KRT38: variants seen among roughly 807,000 people sequenced by gnomAD.
The protein encoded by KRT38 is keratin, type I cuticular Ha8.
In KRT38, 45 loss-of-function variants were observed where a neutral mutation model predicts 43.1. The observed-to-expected ratio is 1.04, with a 90% CI of 0.82 to 1.34. The LOEUF (loss-of-function observed/expected upper bound fraction) is 1.34, where lower values mean the gene tolerates loss of function less well. Among genes scored for constraint, KRT38 ranks in the 40% most tolerant of loss-of-function variants. The pLI is 0.00. For missense variants in KRT38, 627 were observed against 586.2 expected (o/e 1.07, Z -0.72); for synonymous variants, 258 against 244.0 (o/e 1.06, Z -0.53).
At chr17:41,440,310 T>C in intron 1 of KRT38, 67 bp from the exon 2 acceptor site, 1 of 1,605,226 alleles carries the variant, frequency 6.2e-7, no homozygotes, top group Non-Finnish European at 8.5e-7. Context: ...CCACGTGTGG[T>C]GTCTATGATC....
Position 41,439,210 on chromosome 17 carries a change from T to C in KRT38, c.725A>G (p.His242Arg), listed in dbSNP as rs767513772. 1 of 1,613,904 alleles carries C rather than the reference T, an allele frequency of 6.2e-7. No homozygotes were observed. The highest frequency in any genetic ancestry group is 1.1e-5 in the South Asian group (1 of 91,074). Residue 242 changes from histidine to arginine, a missense_variant, in exon 3 of 7, where the codon CAC becomes CGC. Coordinates refer to ENST00000246646, the MANE Select transcript of KRT38 (RefSeq NM_006771.4). ...KEEQLSLKSN[H>R]EQEVKILRSQ... ...GAGCGCCCAGGGCCACACCTGCTCG[T>C]GGTTGCTCTTGAGGGAGAGCTGCTC... is the stretch of plus-strand genomic sequence containing the variant.
At chr17:41,438,941 G>A in intron 3 of KRT38, 83 bp from the exon 4 acceptor site, 4 of 1,515,188 alleles carry the variant, frequency 2.6e-6, no homozygotes, top group South Asian at 2.4e-5. Flanking sequence ...CCCGCCCCTG[G>A]CAAGCAGTAG....
chr17:41,440,763 G>T lies in KRT38; in HGVS notation c.159C>A (p.Asn53Lys), dbSNP rs764357647. ...GGGGAGTGGACCCCACACGGACTCG[G>T]TTGGCATGTGCCACGTTGGCCAAAA... ...MCLLANVAHA[N>K]RVRVGSTPLG... Residue 53 changes from asparagine to lysine, a missense_variant, in exon 1 of 7, where the codon AAC becomes AAA. Asn to Lys is a moderately conservative substitution (Grantham distance 94). Transcript: ENST00000246646. 11 of 1,613,688 alleles carry T rather than the reference G, an allele frequency of 6.8e-6. No homozygotes were observed. Among genetic ancestry groups the T allele is most frequent in the Non-Finnish European group, 9.3e-6 (11 of 1,179,720 alleles).
rs1475811267 is a variant in KRT38 at position 41,440,067 on chromosome 17, A to G, written c.575+94T>C. On this transcript the variant is annotated intron_variant, in intron 2 of 6. Transcript: ENST00000246646. Reference sequence around the variant, plus strand: ...TTTACTGTAGAGAATCTAGCAAGGAAGAAATGACAATGATTCCCTCACTCA... The same window carrying G: ...TTTACTGTAGAGAATCTAGCAAGGAGGAAATGACAATGATTCCCTCACTCA... 7 of 1,026,388 alleles carry G rather than the reference A, an allele frequency of 6.8e-6. No individual in the cohort carries two copies. In the Admixed American group the frequency reaches 1.3e-4, roughly 19 times the overall value. The allele number at this position is 1,026,388 out of a possible 1,614,324, so 63.6% of individuals were successfully genotyped here. A position where few individuals can be genotyped will look rare whatever the true frequency, so the allele number is the denominator to read the frequency against.
chr17:41,440,922 G>A lies in KRT38; in HGVS notation c.-1C>T. The A allele has an allele frequency of 6.5e-7, 1 of 1,526,842 alleles. No homozygotes were observed. Among genetic ancestry groups the A allele is most frequent in the Non-Finnish European group, 8.8e-7 (1 of 1,139,898 alleles). 94.6% of individuals were successfully genotyped at this position (1,526,842 alleles called of 1,614,324 possible). ...AGGAGCTGCTGTAGGAAGAGGTCAT[G>A]GTGTTGGGCTGAGGCTGCACAGGAG... On this transcript the variant is annotated 5_prime_UTR_variant, in exon 1 of 7. Coordinates refer to ENST00000246646, the MANE Select transcript of KRT38 (RefSeq NM_006771.4).
rs368627427 is a variant in KRT38, at chr17:41,438,750, C to T, written c.841G>A (p.Glu281Lys). Residue 281 changes from glutamate (E) to lysine (K), a missense_variant, in exon 4 of 7, where the codon GAG (glutamate) becomes AAG (lysine). Coordinates refer to ENST00000246646, the MANE Select transcript of KRT38 (RefSeq NM_006771.4). ...RVLGEMRAQY[E>K]AMLETNRQDV... Reference sequence around the variant, plus strand: ...TGGCGGTTGGTCTCCAACATGGCCTCATACTGAGCCCGCATCTCCCCCAGC... The same window carrying T: ...TGGCGGTTGGTCTCCAACATGGCCTTATACTGAGCCCGCATCTCCCCCAGC... 6.2e-7 allele frequency: 1 copy of T among 1,614,138 alleles called. No homozygotes were observed. Among genetic ancestry groups the T allele is most frequent in the Non-Finnish European group, 8.5e-7 (1 of 1,180,004 alleles).
chr17:41,437,959 G>C (rs939600562), intron 6 of KRT38, 134 bp downstream of exon 6: 3 of 835,862 alleles, frequency 3.6e-6, no homozygotes, highest in Non-Finnish European at 3.8e-6. Flanking sequence ...GAGTGTGCAG[G>C]ACAGGGCAAC....
Position 41,437,463 on chromosome 17 carries a change from G to A in KRT38, c.1320C>T (p.Cys440=). 1 of 1,560,886 alleles carries A rather than the reference G, an allele frequency of 6.4e-7. No individual in the cohort carries two copies. The highest frequency in any genetic ancestry group is 8.6e-7 in the Non-Finnish European group (1 of 1,160,472). ...PCAPRPSCGP[C]TTCGPTCGAS... is the part of the protein sequence containing the mutation. ...CTCCACAGGTGGGCCCACAGGTGGTGCAGGGGCCACAGCTTGGGCGAGGAG... is the reference window on the plus strand; with the variant it reads ...CTCCACAGGTGGGCCCACAGGTGGTACAGGGGCCACAGCTTGGGCGAGGAG... The change falls in exon 7 of 7, where the codon TGC becomes TGT. Residue 440 remains cysteine (C), a synonymous_variant. Transcript: ENST00000246646.
Position 41,438,095 on chromosome 17 carries a change from G to T in KRT38, c.1239C>A (p.Cys413Ter). Residue 413 changes from cysteine (C) to a stop codon, truncating the protein, a stop_gained and splice_region_variant, in exon 6 of 7, where the codon TGC becomes TGA. Transcript: ENST00000246646. LOFTEE classifies it low-confidence loss of function (END_TRUNC). ...GGAATTGCCCAGATCACACGTACTT[G>T]CAGTCCTCGCTTTCCAGAAGGTTCC... ...TYRNLLESED[C>*]KLPCNPCSTS... 1 of 1,613,972 alleles carries T rather than the reference G, an allele frequency of 6.2e-7. No homozygotes were observed. The highest frequency in any genetic ancestry group is 8.5e-7 in the Non-Finnish European group (1 of 1,179,936).
chr17:41,440,249 G>A lies in KRT38; in HGVS notation c.493-6C>T, dbSNP rs146045322. ...TCGGCCTTGCTGCACAGGATCTGAGGAGAACAGGAAGACAGTTCACACACA... is the reference window on the plus strand; with the variant it reads ...TCGGCCTTGCTGCACAGGATCTGAGAAGAACAGGAAGACAGTTCACACACA... On this transcript the variant is annotated splice_region_variant and splice_polypyrimidine_tract_variant and intron_variant, in intron 1 of 6. Transcript: ENST00000246646. The A allele has an allele frequency of 1.9e-4, 305 of 1,614,102 alleles. No homozygotes were observed. The African/African-American group carries it at 3.9e-3, about 20-fold the overall frequency.
At chr17:41,439,568 AT>A (rs1295537816) in intron 2 of KRT38, among the ~76,000 whole-genome samples, 1 of 152,104 alleles carries the variant, frequency 6.6e-6, no homozygotes, top group Non-Finnish European at 1.5e-5. Flanking sequence ...CACAATATAC[AT>A]TTTTGCCATT....
rs779994881 is a variant in KRT38, at chr17:41,440,218, G to A, written c.518C>T (p.Ala173Val). ...ATTGTCAATTTGTACAATCAGCCTG[G>A]CATTCTCGGCCTTGCTGCACAGGAT... Reference protein sequence around the residue: ...QKILCSKAENARLIVQIDNAK... With the variant: ...QKILCSKAENVRLIVQIDNAK... The change falls in exon 2 of 7, where the codon GCC becomes GTC. Residue 173 changes from alanine to valine, a missense_variant. Coordinates refer to ENST00000246646, the MANE Select transcript of KRT38 (RefSeq NM_006771.4). The A allele has an allele frequency of 6.2e-7, 1 of 1,614,176 alleles. No individual in the cohort carries two copies. The highest frequency in any genetic ancestry group is 1.7e-5 in the Admixed American group (1 of 60,020).
Position 41,440,811 on chromosome 17 carries a change from C to T in KRT38, c.111G>A (p.Glu37=), listed in dbSNP as rs1207915906. 1.2e-6 allele frequency: 2 copies of T among 1,611,150 alleles called. No homozygotes were observed. Among genetic ancestry groups the T allele is most frequent in the Middle Eastern group, 1.7e-4 (1 of 5,976 alleles). Residue 37 remains glutamate (E), a synonymous_variant, in exon 1 of 7, where the codon GAG becomes GAA. Transcript: ENST00000246646. The stretch of plus-strand genomic sequence containing the variant: ...AAAGGCACATGGGGGCAATGTTGGC[C>T]TCTGCCCCAGGCTGGCACCCAATGT... The part of the protein sequence containing the change: ...PIDIGCQPGA[E]ANIAPMCLLA...
Position 41,440,485 on chromosome 17 carries a change from G to A in KRT38, c.437C>T (p.Thr146Ile). Residue 146 changes from threonine to isoleucine, a missense_variant, in exon 1 of 7, where the codon ACC becomes ATC. Physicochemically the swap from Thr to Ile is moderately conservative, Grantham distance 89. Coordinates refer to ENST00000246646, the MANE Select transcript of KRT38 (RefSeq NM_006771.4). ...GTAAGACTGGTAGTCGGGGCACACG[G>A]TGGACTCGTGGCACTTGCTCCTCTC... is the stretch of plus-strand genomic sequence containing the variant. ...LLERSKCHES[T>I]VCPDYQSYFH... 1 of 1,614,232 alleles carries A rather than the reference G, an allele frequency of 6.2e-7. No individual in the cohort carries two copies. The highest frequency in any genetic ancestry group is 8.5e-7 in the Non-Finnish European group (1 of 1,180,042).
chr17:41,437,601 T>C (rs940181668), intron 6 of KRT38, 60 bp from the exon 7 acceptor site: 2 of 1,506,638 alleles, frequency 1.3e-6, no homozygotes, highest in Middle Eastern at 2.4e-4. Flanking sequence ...CTCAGTGCCA[T>C]GTGGGGGCAT....
intron 2 of KRT38, 33 bp from the exon 3 acceptor site, chr17:41,439,392 A>G: frequency 6.8e-6 from 11 of 1,607,180 alleles, no homozygotes; most frequent in African/African-American, 1.3e-5. Context: ...GTCAAAAAGA[A>G]TGCCCCCAAG....
intron 2 of KRT38, 42 bp downstream of exon 2, chr17:41,440,119 G>T: frequency 1.3e-6 from 2 of 1,485,980 alleles, no homozygotes; most frequent in Non-Finnish European, 1.9e-6. Flanking sequence ...TGGGATGGAG[G>T]GTGGGGAAGG....
chr17:41,440,677 G>C lies in KRT38; in HGVS notation c.245C>G (p.Thr82Ser). The change falls in exon 1 of 7, where the codon ACC becomes AGC. Residue 82 changes from threonine (T) to serine (S), a missense_variant. Physicochemically the swap from Thr to Ser is moderately conservative, Grantham distance 58 (BLOSUM62 1). Transcript: ENST00000246646. Reference protein sequence around the residue: ...TCHTACPLPGTCHIPGNIGIC... With the variant: ...TCHTACPLPGSCHIPGNIGIC... ...TCCAATGTTGCCAGGAATGTGGCAGGTCCCTGGCAAGGGACAAGCAGTGTG... is the reference window on the plus strand; with the variant it reads ...TCCAATGTTGCCAGGAATGTGGCAGCTCCCTGGCAAGGGACAAGCAGTGTG... The C allele has an allele frequency of 6.2e-7, 1 of 1,614,198 alleles. No individual in the cohort carries two copies.
Position 41,438,561 on chromosome 17 carries a change from T to C in KRT38, c.950A>G (p.Gln317Arg). The C allele has an allele frequency of 3.1e-6, 5 of 1,614,168 alleles. No individual in the cohort carries two copies. Among genetic ancestry groups the C allele is most frequent in the Non-Finnish European group, 4.2e-6 (5 of 1,180,022 alleles). Residue 317 changes from glutamine to arginine, a missense_variant, in exon 5 of 7, where the codon CAG becomes CGG. Transcript: ENST00000246646. ...GCATCTCAGCTCCAGGATCTCCGAC[T>C]GGCAGCACTGCAGCTCCTCGGAGCA... The part of the protein sequence containing the change: ...MSCSEELQCC[Q>R]SEILELRCTV...
Sources: gnomAD v4.1 joint callset for allele counts (sites outside exome capture counted in the v4.1 genomes callset) on GRCh38, gnomAD v4.1.1 for gene constraint, MANE v1.5 for transcripts, NCBI Gene and HGNC (gene_info 2026-07-23, HGNC 2026-07-21) for gene names.